RAB11FIP4: variants seen among roughly 807,000 people sequenced by gnomAD.
The protein encoded by RAB11FIP4 is RAB11 family interacting protein 4.
A neutral mutation model predicts 74.3 loss-of-function variants in RAB11FIP4; 23 were observed. The ratio of observed to expected loss-of-function variants is 0.31; its 90% CI spans 0.22 to 0.44. RAB11FIP4 has a LOEUF of 0.44. Among genes scored for constraint, RAB11FIP4 ranks in the 20% least tolerant of loss-of-function variants. The pLI is 1.00. For synonymous variants in RAB11FIP4, 360 were observed against 359.9 expected (o/e 1.00, Z 0.00); for missense variants, 630 against 863.9 (o/e 0.73, Z 3.39).
At chr17:31,441,639 T>C (rs1286530979) in intron 3 of RAB11FIP4, among the ~76,000 whole-genome samples, 1 of 151,992 alleles carries the variant, frequency 6.6e-6, no homozygotes, top group Non-Finnish European at 1.5e-5. Context: ...GCAATTCTCC[T>C]GCCTCAGCCT....
chr17:31,456,863 G>A (rs1331326519), intron 3 of RAB11FIP4, among the ~76,000 whole-genome samples: 1 of 152,112 alleles, frequency 6.6e-6, no homozygotes, highest in Non-Finnish European at 1.5e-5. Context: ...TGGTGGGGAG[G>A]GGACTATTCC....
intron 3 of RAB11FIP4, among the ~76,000 whole-genome samples, chr17:31,434,826 T>C (rs1280403004): frequency 6.6e-6 from 1 of 152,196 alleles, no homozygotes; most frequent in East Asian, 1.9e-4. Flanking sequence ...GCACCTTCGC[T>C]TAGGGGCGCT....
At chr17:31,400,051 A>G (rs1002898617) in intron 1 of RAB11FIP4, among the ~76,000 whole-genome samples, 2 of 152,100 alleles carry the variant, frequency 1.3e-5, no homozygotes, top group Non-Finnish European at 2.9e-5. Context: ...TCAAAAAAAA[A>G]AAAAAGCCAT....
At chr17:31,503,511 G>A (rs575885513) in intron 3 of RAB11FIP4, among the ~76,000 whole-genome samples, 2 of 149,898 alleles carry the variant, frequency 1.3e-5, no homozygotes, top group Admixed American at 1.3e-4. Flanking sequence ...GCAAAGCCTG[G>A]CAGAGTAGAG....
intron 3 of RAB11FIP4, among the ~76,000 whole-genome samples, chr17:31,499,141 A>C (rs1277065079): frequency 2.0e-5 from 3 of 152,194 alleles, no homozygotes; most frequent in Non-Finnish European, 1.5e-5. Flanking sequence ...CAGTGGCTGC[A>C]TGGGAACTGG....
intron 3 of RAB11FIP4, among the ~76,000 whole-genome samples, chr17:31,434,538 C>T (rs2071340576): frequency 6.6e-6 from 1 of 152,176 alleles, no homozygotes; most frequent in Non-Finnish European, 1.5e-5. Context: ...GCAATCAGTT[C>T]CACCTGCCAC....
Position 31,512,880 on chromosome 17 carries a change from G to A in RAB11FIP4, c.337-4771G>A, listed in dbSNP as rs573443585. ...AGCAGGCGGGAATGGGCAGGAAACC[G>A]GGGCTCTGAGAGGCAGTCTTGGAAG... On this transcript the variant is annotated intron_variant, in intron 3 of 14. Transcript: ENST00000621161. This position sits in a 1 kb window ranked among gnomAD's most constrained non-coding sequence, Gnocchi z 4.1. Among the ~76,000 whole-genome samples, 10 of 152,182 alleles carry A rather than the reference G, an allele frequency of 6.6e-5. No individual in the cohort carries two copies. Among genetic ancestry groups the A allele is most frequent in the Non-Finnish European group, 7.4e-5 (5 of 68,000 alleles).
intron 3 of RAB11FIP4, chr17:31,509,424 G>A (rs578212543): frequency 2.6e-5 from 4 of 152,404 alleles, no homozygotes; most frequent in African/African-American, 7.2e-5. Context: ...GCTGCAGGGC[G>A]GGAGCAGTGG....
chr17:31,463,802 A>ATTTTTT (rs2071655772), intron 3 of RAB11FIP4, among the ~76,000 whole-genome samples: 2 of 14,214 alleles, frequency 1.4e-4, no homozygotes, highest in Non-Finnish European at 4.0e-4. Flanking sequence ...CTGCGCCTGG[A>ATTTTTT]CTTTTTTTTT....
rs1203140589 is a variant in RAB11FIP4, at chr17:31,512,733, A to C, written c.337-4918A>C. ...CACTGTCCCTTCCCCAAAGGCCCCC[A>C]AAAGAGCAGACACAGCCTTTCTGTG... On this transcript the variant is annotated intron_variant, in intron 3 of 14. Coordinates refer to ENST00000621161, the MANE Select transcript of RAB11FIP4 (RefSeq NM_032932.6). This position sits in a 1 kb window ranked among gnomAD's most constrained non-coding sequence, Gnocchi z 4.1. Among the ~76,000 whole-genome samples, 1 of 152,112 alleles carries C rather than the reference A, an allele frequency of 6.6e-6. No homozygotes were observed. The highest frequency in any genetic ancestry group is 1.5e-5 in the Non-Finnish European group (1 of 68,006).
At chr17:31,410,027 C>G (rs929842861) in intron 1 of RAB11FIP4, among the ~76,000 whole-genome samples, 4 of 152,188 alleles carry the variant, frequency 2.6e-5, no homozygotes. Flanking sequence ...GGATGGGCCT[C>G]TGTACTTCCT....
intron 9 of RAB11FIP4, chr17:31,524,873 T>C (rs2072735188): frequency 3.2e-6 from 2 of 628,190 alleles, no homozygotes; most frequent in Admixed American, 2.8e-5. Context: ...CGCCCCACCT[T>C]CTGACTGCCA....
chr17:31,431,934 C>T (rs374973229), intron 2 of RAB11FIP4, 34 bp downstream of exon 2: 7 of 1,494,790 alleles, frequency 4.7e-6, no homozygotes, highest in Non-Finnish European at 6.5e-6. Flanking sequence ...CCCAGGCGCT[C>T]TCCGGTCCTG....
chr17:31,428,735 G>T lies in RAB11FIP4; in HGVS notation c.160-3078G>T, dbSNP rs551272736. Reference sequence around the variant, plus strand: ...AATGAATGAATGAATGCTTGTATGGGTGCTGTGGGAGGGCTGCCACTAAGT... The same window carrying T: ...AATGAATGAATGAATGCTTGTATGGTTGCTGTGGGAGGGCTGCCACTAAGT... On this transcript the variant is annotated intron_variant, in intron 1 of 14. Transcript: ENST00000621161. Among the ~76,000 whole-genome samples the T allele has an allele frequency of 3.5e-3, 528 of 152,232 alleles. 2 individuals are homozygous for T. Among genetic ancestry groups the T allele is most frequent in the African/African-American group, 0.012 (499 of 41,532 alleles).
At chr17:31,442,001 C>T (rs1453810691) in intron 3 of RAB11FIP4, among the ~76,000 whole-genome samples, 1 of 151,300 alleles carries the variant, frequency 6.6e-6, no homozygotes, top group Non-Finnish European at 1.5e-5. Context: ...GGCGTATATA[C>T]ACTTTTTTTT....
At chr17:31,521,465 T>A in intron 5 of RAB11FIP4, 105 bp downstream of exon 5, 1 of 1,013,462 alleles carries the variant, frequency 9.9e-7, no homozygotes, top group Non-Finnish European at 1.4e-6. Flanking sequence ...GCCCTTTTCC[T>A]TTGTCCTCAG....
At chr17:31,421,278 G>C (rs1046581912) in intron 1 of RAB11FIP4, among the ~76,000 whole-genome samples, 1 of 151,006 alleles carries the variant, frequency 6.6e-6, no homozygotes, top group Middle Eastern at 3.5e-3. Context: ...GAAGTGCAGT[G>C]TGTGATCTCA....
chr17:31,501,709 T>C, intron 3 of RAB11FIP4: 1 of 160,734 alleles, frequency 6.2e-6, no homozygotes, highest in Non-Finnish European at 1.4e-5. Flanking sequence ...TTTGTATTTT[T>C]AGTAGAGATG....
intron 3 of RAB11FIP4, among the ~76,000 whole-genome samples, chr17:31,498,289 A>ACC (rs2072154757): frequency 6.6e-6 from 1 of 151,614 alleles, no homozygotes; most frequent in East Asian, 1.9e-4. Flanking sequence ...CTTGAGTGAC[A>ACC]CCCCCCAACC....
Sources: allele counts gnomAD v4.1 joint callset (sites outside exome capture counted in the v4.1 genomes callset), GRCh38; gene constraint gnomAD v4.1.1; non-coding constraint Gnocchi (gnomAD v3.1); transcripts MANE v1.5; gene names NCBI Gene and HGNC (gene_info 2026-07-23, HGNC 2026-07-21).